Variants in HS3ST4 observed in about 807,000 individuals in gnomAD.
HS3ST4 encodes heparan sulfate glucosamine 3-O-sulfotransferase 4.
A neutral mutation model predicts 29.2 loss-of-function variants in HS3ST4; 17 were observed. The ratio of observed to expected loss-of-function variants is 0.58; its 90% CI spans 0.40 to 0.87. The LOEUF is 0.87. Ranked by LOEUF, HS3ST4 falls within the 40% of genes least tolerant of loss-of-function variation. The probability of loss-of-function intolerance (pLI) is 0.00; values close to 1 mark genes in which losing one functional copy is unlikely to be tolerated. For synonymous variants in HS3ST4, 314 were observed against 285.7 expected, an observed-to-expected ratio of 1.10 and a Z score of -1.00; for missense variants, 627 against 634.5, an observed-to-expected ratio of 0.99 and a Z score of 0.13.
intron 1 of HS3ST4, among the ~76,000 whole-genome samples, chr16:26,101,413 T>C (rs761922760): frequency 6.6e-6 from 1 of 152,256 alleles, no homozygotes; most frequent in Non-Finnish European, 1.5e-5. Context: ...CATGTGTTCC[T>C]GGTCTATACC....
intron 1 of HS3ST4, among the ~76,000 whole-genome samples, chr16:25,987,570 C>T (rs977400290): frequency 2.0e-5 from 3 of 152,132 alleles, no homozygotes. Context: ...GCCTCTGAAG[C>T]TGGTGCTCTT....
intron 1 of HS3ST4, among the ~76,000 whole-genome samples, chr16:25,963,787 C>T (rs561316210): frequency 2.0e-5 from 3 of 152,284 alleles, no homozygotes; most frequent in South Asian, 2.1e-4. Context: ...TGAGAGGGGA[C>T]GAGCTGGCCA....
chr16:25,865,915 A>AT (rs200432750), intron 1 of HS3ST4, among the ~76,000 whole-genome samples: 1 of 152,188 alleles, frequency 6.6e-6, no homozygotes, highest in Non-Finnish European at 1.5e-5. Flanking sequence ...CTATGGGCAA[A>AT]TTTTTTTAAA....
intron 1 of HS3ST4, among the ~76,000 whole-genome samples, chr16:25,710,808 CTT>C (rs34759495): frequency 2.3e-4 from 11 of 48,548 alleles, no homozygotes; most frequent in Admixed American, 8.1e-4. Flanking sequence ...GCATATTATC[CTT>C]TTTTTTTTTT....
chr16:25,857,200 T>C (rs1011202672), intron 1 of HS3ST4, among the ~76,000 whole-genome samples: 2 of 152,214 alleles, frequency 1.3e-5, no homozygotes, highest in Admixed American at 6.5e-5. Flanking sequence ...CATTTAAGTG[T>C]TCCTATCAGT....
chr16:25,718,041 A>G (rs984579088), intron 1 of HS3ST4, among the ~76,000 whole-genome samples: 2 of 151,994 alleles, frequency 1.3e-5, no homozygotes, highest in African/African-American at 4.8e-5. Context: ...GTCAGCAGGA[A>G]CTCCTAGGTT....
At chr16:25,768,225 T>G (rs892424832) in intron 1 of HS3ST4, among the ~76,000 whole-genome samples, 1 of 152,158 alleles carries the variant, frequency 6.6e-6, no homozygotes. Flanking sequence ...CATGTCTAAA[T>G]CAATATGTAC....
intron 1 of HS3ST4, among the ~76,000 whole-genome samples, chr16:25,703,018 G>T (rs924161580): frequency 1.3e-5 from 2 of 152,110 alleles, no homozygotes; most frequent in Non-Finnish European, 2.9e-5. Flanking sequence ...AATTAGCCGG[G>T]CATGGTGATG....
At chr16:26,001,226 A>G (rs938497025) in intron 1 of HS3ST4, among the ~76,000 whole-genome samples, 8 of 152,324 alleles carry the variant, frequency 5.3e-5, no homozygotes, top group African/African-American at 1.9e-4. Flanking sequence ...TACTGTGGTT[A>G]TATAAAAGCA....
intron 1 of HS3ST4, among the ~76,000 whole-genome samples, chr16:26,077,612 A>T (rs1180593740): frequency 6.6e-6 from 1 of 152,234 alleles, no homozygotes; most frequent in Non-Finnish European, 1.5e-5. Context: ...TGAAAGCAGG[A>T]ACTTCATTGG....
At chr16:25,875,624 C>G (rs1317097458) in intron 1 of HS3ST4, among the ~76,000 whole-genome samples, 3 of 152,140 alleles carry the variant, frequency 2.0e-5, no homozygotes, top group African/African-American at 7.2e-5. Context: ...ATATGAGGTT[C>G]AGGGTCCTAG....
chr16:26,012,297 A>T (rs541782457), intron 1 of HS3ST4, among the ~76,000 whole-genome samples: 3 of 152,306 alleles, frequency 2.0e-5, no homozygotes, highest in African/African-American at 7.2e-5. Flanking sequence ...GGGAAATTAT[A>T]TGCAATAATA....
chr16:26,090,101 C>T (rs958227294), intron 1 of HS3ST4, among the ~76,000 whole-genome samples: 8 of 152,142 alleles, frequency 5.3e-5, no homozygotes, highest in African/African-American at 1.9e-4. Flanking sequence ...TAATAAATGT[C>T]ACTTCCTCCA....
intron 1 of HS3ST4, among the ~76,000 whole-genome samples, chr16:25,793,956 A>G (rs767880529): frequency 6.6e-6 from 1 of 150,538 alleles, no homozygotes; most frequent in Non-Finnish European, 1.5e-5. Flanking sequence ...GATTTGTTTC[A>G]TTGATCTGAA....
At chr16:26,041,065 T>G (rs1015615974) in intron 1 of HS3ST4, among the ~76,000 whole-genome samples, 4 of 152,188 alleles carry the variant, frequency 2.6e-5, no homozygotes, top group African/African-American at 9.6e-5. Context: ...AGGCTAGGCA[T>G]GGTGATTCAT....
At chr16:25,995,398 C>T (rs1969150632) in intron 1 of HS3ST4, among the ~76,000 whole-genome samples, 1 of 152,174 alleles carries the variant, frequency 6.6e-6, no homozygotes, top group South Asian at 2.1e-4. Context: ...TGCTTTTTAT[C>T]TATTCTGCGT....
At position 25,875,492 on chromosome 16, in the gene HS3ST4, C is replaced by T. The variant is rs565637752; in HGVS notation, c.734+182341C>T. 3.3e-5 allele frequency among the ~76,000 whole-genome samples: 5 copies of T among 152,176 alleles called. No homozygotes were observed. The East Asian group carries it at 5.8e-4, about 18-fold the overall frequency. ...GCACCTACATTCCCTGTGTGAAATG[C>T]GTAGAATGAATTTCTAGCAATCCCT... On this transcript the variant is annotated intron_variant, in intron 1 of 1. Transcript: ENST00000331351.
At chr16:25,902,431 T>C (rs1005192390) in intron 1 of HS3ST4, among the ~76,000 whole-genome samples, 7 of 151,946 alleles carry the variant, frequency 4.6e-5, no homozygotes, top group East Asian at 1.9e-4. Context: ...GAAGCTGCAG[T>C]GAGTTGTGAT....
At chr16:25,962,807 G>A (rs1196669623) in intron 1 of HS3ST4, among the ~76,000 whole-genome samples, 1 of 152,134 alleles carries the variant, frequency 6.6e-6, no homozygotes, top group Non-Finnish European at 1.5e-5. Context: ...AGATGTGGAG[G>A]TGTCATTTGC....
Sources: allele counts gnomAD v4.1 joint callset (sites outside exome capture counted in the v4.1 genomes callset), GRCh38; gene constraint gnomAD v4.1.1; transcripts MANE v1.5; gene names NCBI Gene and HGNC (gene_info 2026-07-23, HGNC 2026-07-21).